The following IRF2 variants were observed in gnomAD, a reference collection of about 807,000 sequenced individuals.
IRF2 encodes interferon regulatory factor 2.
IRF2 carries 15 observed loss-of-function variants against 40.6 expected under a neutral mutation model. That is an observed-to-expected ratio of 0.37 (90% CI 0.25 to 0.57). The LOEUF (loss-of-function observed/expected upper bound fraction) is 0.57. IRF2 is among the 20% of genes least tolerant of loss of function. The pLI, the probability that IRF2 is intolerant of heterozygous loss-of-function variation, is 0.77. For synonymous variants in IRF2, 151 were observed against 165.5 expected (o/e 0.91, Z 0.67); for missense variants, 317 against 455.7 (o/e 0.70, Z 2.77).
rs140953064 is a variant in IRF2 at position 184,391,185 on chromosome 4, C to T, written c.695-436G>A. 2.0e-4 allele frequency among the ~76,000 whole-genome samples: 30 copies of T among 152,360 alleles called. No individual in the cohort carries two copies. In the East Asian group the frequency reaches 5.6e-3, roughly 28 times the overall value. ...CAGATCCTTCCTTTACCTCTCACCC[C>T]TTTAGGACTTAGATCCTGGATTTCT... On this transcript the variant is annotated intron_variant, in intron 7 of 8. Transcript: ENST00000393593.
At chr4:184,409,841 G>C (rs1737007385) in intron 5 of IRF2, among the ~76,000 whole-genome samples, 1 of 151,580 alleles carries the variant, frequency 6.6e-6, no homozygotes, top group Non-Finnish European at 1.5e-5. Context: ...AGGATGCAAT[G>C]AGCTATGATC....
intron 6 of IRF2, among the ~76,000 whole-genome samples, chr4:184,405,875 G>A (rs1179287759): frequency 6.6e-6 from 1 of 152,154 alleles, no homozygotes; most frequent in Non-Finnish European, 1.5e-5. Flanking sequence ...AAACACAGCA[G>A]CCCAACTCCA....
In IRF2 at chr4:184,460,656, C is replaced by T. The variant is rs1387949810; in HGVS notation, c.-7+13723G>A. 1.1e-4 allele frequency among the ~76,000 whole-genome samples: 14 copies of T among 126,306 alleles called. No individual in the cohort carries two copies. The East Asian group carries it at 2.6e-3, about 23-fold the overall frequency. 82.9% of individuals were successfully genotyped at this position (126,306 alleles called of 152,430 possible). A position where few individuals can be genotyped will look rare whatever the true frequency, so the allele number is the denominator to read the frequency against. On this transcript the variant is annotated intron_variant, in intron 1 of 8. Transcript: ENST00000393593. ...ACGCATGCACGCACACACACACACA[C>T]ATGCACGCGCACACACACACACATG...
At position 184,469,414 on chromosome 4, in the gene IRF2, C is replaced by T. The variant is rs141479905; in HGVS notation, c.-7+4965G>A. Among the ~76,000 whole-genome samples the T allele has an allele frequency of 6.4e-3, 969 of 152,336 alleles. 7 individuals carry two copies. Among genetic ancestry groups the T allele is most frequent in the African/African-American group, 0.022 (911 of 41,568 alleles). On this transcript the variant is annotated intron_variant, in intron 1 of 8. Transcript: ENST00000393593. ...CACTAGGGCCGGGTGCAGTGGCTCA[C>T]GCCTATAATCCCAGCACTTTGGGAT...
intron 5 of IRF2, among the ~76,000 whole-genome samples, chr4:184,411,720 T>A (rs1453508771): frequency 6.6e-6 from 1 of 151,892 alleles, no homozygotes; most frequent in African/African-American, 2.4e-5. Flanking sequence ...AATCCAAGGA[T>A]CTCAAATGAA....
intron 6 of IRF2, among the ~76,000 whole-genome samples, chr4:184,406,117 T>C (rs937750942): frequency 3.9e-5 from 6 of 152,076 alleles, no homozygotes; most frequent in African/African-American, 1.4e-4. Context: ...CCCCTTCTCC[T>C]AAGGGGTGAA....
Position 184,427,738 on chromosome 4 carries a change from C to T in IRF2, c.87+1240G>A, listed in dbSNP as rs184854437. Among the ~76,000 whole-genome samples the T allele has an allele frequency of 2.7e-4, 41 of 152,092 alleles. No individual in the cohort carries two copies. In the East Asian group the frequency reaches 7.9e-3, roughly 29 times the overall value. ...GATATCTGAAAAGACCCAATAAGGC[C>T]AGGAATGATATTAGTTAAAAAAAAT... On this transcript the variant is annotated intron_variant, in intron 2 of 8. Transcript: ENST00000393593.
At position 184,394,602 on chromosome 4, in the gene IRF2, C is replaced by G. The variant is rs968261723; in HGVS notation, c.695-3853G>C. Among the ~76,000 whole-genome samples the G allele has an allele frequency of 8.5e-5, 13 of 152,302 alleles. 1 individual carries two copies. In the South Asian group the frequency reaches 2.7e-3, roughly 32 times the overall value. ...TGTGGTTTCCCGAAGGATTCAAAGC[C>G]TTTACTGATGGCTGCTGGTCAGCAG... On this transcript the variant is annotated intron_variant, in intron 7 of 8. Transcript: ENST00000393593.
intron 1 of IRF2, among the ~76,000 whole-genome samples, chr4:184,467,782 C>T (rs760356479): frequency 1.4e-4 from 22 of 152,216 alleles, no homozygotes; most frequent in Middle Eastern, 3.2e-3. Flanking sequence ...GTGCGAGTAT[C>T]AAATGCCTTC....
chr4:184,405,116 T>C (rs1736804854), intron 6 of IRF2, among the ~76,000 whole-genome samples: 1 of 152,088 alleles, frequency 6.6e-6, no homozygotes, highest in Non-Finnish European at 1.5e-5. Flanking sequence ...TGGTGGCGCA[T>C]CCCTGTAATC....
At chr4:184,401,619 T>C (rs2149894022) in intron 6 of IRF2, among the ~76,000 whole-genome samples, 1 of 152,270 alleles carries the variant, frequency 6.6e-6, no homozygotes, top group Non-Finnish European at 1.5e-5. Flanking sequence ...CCAACCTCTC[T>C]CTAGTTTCCT....
chr4:184,439,580 G>A lies in IRF2; in HGVS notation c.-6-10510C>T, dbSNP rs147500685. Among the ~76,000 whole-genome samples, 66 of 152,190 alleles carry A rather than the reference G, an allele frequency of 4.3e-4. 1 individual carries two copies. In the East Asian group the frequency reaches 0.011, roughly 26 times the overall value. ...ATTTCATCATTAATGGAATAGAAAC[G>A]TATATGAAATCAAAAGTCTAAAATG... On this transcript the variant is annotated intron_variant, in intron 1 of 8. Coordinates refer to ENST00000393593, the MANE Select transcript of IRF2 (RefSeq NM_002199.4).
At chr4:184,472,660 GGGA>G (rs1357179670) in intron 1 of IRF2, 5 of 152,212 alleles carry the variant, frequency 3.3e-5, no homozygotes, top group African/African-American at 9.7e-5. Context: ...AGCAACCGGA[GGGA>G]GGAGGTTGAA....
intron 1 of IRF2, among the ~76,000 whole-genome samples, chr4:184,439,400 A>T (rs910859963): frequency 6.6e-6 from 1 of 151,158 alleles, no homozygotes; most frequent in East Asian, 1.9e-4. Flanking sequence ...AGAACCGGGA[A>T]TTTTTTTTAT....
chr4:184,389,168 C>T, intron 8 of IRF2, 102 bp from the exon 9 acceptor site: 3 of 1,178,542 alleles, frequency 2.5e-6, no homozygotes, highest in Non-Finnish European at 3.7e-6. Context: ...GCCTGTAATC[C>T]CAGCACTTTG....
chr4:184,391,682 C>G lies in IRF2; in HGVS notation c.695-933G>C, dbSNP rs550340303. 5.9e-5 allele frequency among the ~76,000 whole-genome samples: 9 copies of G among 152,346 alleles called. No individual in the cohort carries two copies. In the South Asian group the frequency reaches 1.9e-3, roughly 32 times the overall value. ...GTTTGCAAGACTCTGCAGCAGAGGACCCAGCTAAGCCACGCCTGGATTCGT... is the reference window on the plus strand; with the variant it reads ...GTTTGCAAGACTCTGCAGCAGAGGAGCCAGCTAAGCCACGCCTGGATTCGT... On this transcript the variant is annotated intron_variant, in intron 7 of 8. Coordinates refer to ENST00000393593, the MANE Select transcript of IRF2 (RefSeq NM_002199.4).
At chr4:184,407,379 G>T in intron 6 of IRF2, 1 of 486,372 alleles carries the variant, frequency 2.1e-6, no homozygotes, top group Non-Finnish European at 3.4e-6. Context: ...CTGTGCATCT[G>T]GCCATACAGG....
chr4:184,410,986 G>A (rs953924841), intron 5 of IRF2, among the ~76,000 whole-genome samples: 1 of 151,904 alleles, frequency 6.6e-6, no homozygotes, highest in African/African-American at 2.4e-5. Context: ...GTCTTAAGAA[G>A]CCCTTGTATC....
At chr4:184,430,684 C>T (rs183912393) in intron 1 of IRF2, among the ~76,000 whole-genome samples, 2 of 152,264 alleles carry the variant, frequency 1.3e-5, no homozygotes, top group Non-Finnish European at 1.5e-5. Context: ...TTAAGTTCTA[C>T]CGCAGGAAGA....
Sources: allele counts gnomAD v4.1 joint callset (sites outside exome capture counted in the v4.1 genomes callset), GRCh38; gene constraint gnomAD v4.1.1; transcripts MANE v1.5; gene names NCBI Gene and HGNC (gene_info 2026-07-23, HGNC 2026-07-21).